RNF212B: variants seen among roughly 807,000 people sequenced by gnomAD.
RNF212B encodes E3 ubiquitin-protein ligase RNF212B.
Under a neutral mutation model 55.5 loss-of-function variants are expected in RNF212B, and 52 were observed. The ratio of observed to expected loss-of-function variants is 0.94; its 90% CI spans 0.75 to 1.18. The LOEUF (loss-of-function observed/expected upper bound fraction) is 1.18. Among genes scored for constraint, RNF212B ranks in the 50% most tolerant of loss-of-function variants. RNF212B has a pLI of 0.00. For synonymous variants in RNF212B, 99 were observed against 121.4 expected (o/e 0.82, Z 1.21); for missense variants, 289 against 350.4 (o/e 0.82, Z 1.40).
intron 2 of RNF212B, among the ~76,000 whole-genome samples, chr14:23,241,954 C>T (rs1443661816): frequency 9.3e-5 from 14 of 151,040 alleles, no homozygotes; most frequent in Non-Finnish European, 1.9e-4. Context: ...TGGTGGCGGG[C>T]GCCTATGGTC....
intron 1 of RNF212B, among the ~76,000 whole-genome samples, chr14:23,189,675 G>A (rs558571776): frequency 6.6e-6 from 1 of 152,038 alleles, no homozygotes; most frequent in Non-Finnish European, 1.5e-5. Context: ...TGGGTGTGGT[G>A]GTGCATGCCT....
intron 1 of RNF212B, among the ~76,000 whole-genome samples, chr14:23,192,866 C>T (rs547066059): frequency 1.2e-4 from 18 of 151,740 alleles, no homozygotes; most frequent in Non-Finnish European, 1.5e-4. Flanking sequence ...CCAAGGTGGG[C>T]GGATCACCTG....
chr14:23,208,798 G>T, intron 2 of RNF212B, among the ~76,000 whole-genome samples: 1 of 104,482 alleles, frequency 9.6e-6, no homozygotes, highest in East Asian at 3.1e-4. Flanking sequence ...TCACTCTGTC[G>T]CCCAGGCTGG....
chr14:23,233,845 C>T (rs150709377), upstream of RNF212B, among the ~76,000 whole-genome samples: 1,344 of 152,106 alleles, frequency 8.8e-3, 21 homozygotes, highest in African/African-American at 0.028. Flanking sequence ...GCCTGTAATC[C>T]CAGCACTTTG....
chr14:23,185,442 C>T (rs1319968856), exon 1 of RNF212B: 2 of 152,174 alleles, frequency 1.3e-5, no homozygotes, highest in Admixed American at 6.5e-5. Context: ...ACTTCTGCTC[C>T]GATTTCAACA....
rs939694785 is a variant in RNF212B at position 23,229,382 on chromosome 14, A to G, written c.-1-10963A>G. Among the ~76,000 whole-genome samples the G allele has an allele frequency of 2.7e-5, 4 of 150,874 alleles. No homozygotes were observed. The South Asian group carries it at 8.4e-4, about 32-fold the overall frequency. On this transcript the variant is annotated intron_variant, in intron 2 of 15. Transcript: ENST00000399910. ...CATATCTGTTTGAGCCCCTGTTTTA[A>G]ATTATTTTGTATACACCTAGGAATG... is the stretch of plus-strand genomic sequence containing the variant.
chr14:23,235,820 G>T (rs1056339328), upstream of RNF212B, among the ~76,000 whole-genome samples: 2 of 152,148 alleles, frequency 1.3e-5, no homozygotes, highest in African/African-American at 4.8e-5. Context: ...TTACAAAATC[G>T]TGCATGGGCA....
At chr14:23,222,948 G>T (rs1471191244) in intron 2 of RNF212B, among the ~76,000 whole-genome samples, 2 of 151,556 alleles carry the variant, frequency 1.3e-5, no homozygotes, top group African/African-American at 4.9e-5. Flanking sequence ...TAGCTACTCA[G>T]GAAGTTGAGG....
intron 2 of RNF212B, among the ~76,000 whole-genome samples, chr14:23,208,757 G>GTTTTTTTTTTTTTTT (rs1166613606): frequency 3.1e-5 from 3 of 98,116 alleles, no homozygotes; most frequent in African/African-American, 1.4e-4. Flanking sequence ...GCTGGTTGCC[G>GTTTTTTTTTTTTTTT]TTTTTTTTTT....
upstream of RNF212B, among the ~76,000 whole-genome samples, chr14:23,236,028 T>C (rs1883066523): frequency 6.6e-6 from 1 of 152,198 alleles, no homozygotes; most frequent in Admixed American, 6.5e-5. Flanking sequence ...CCCACATATT[T>C]GAGTGAATCC....
chr14:23,248,937 C>T (rs573480585), intron 4 of RNF212B, among the ~76,000 whole-genome samples: 69 of 152,296 alleles, frequency 4.5e-4, no homozygotes, highest in East Asian at 1.2e-3. Flanking sequence ...CATACAATTT[C>T]CGATGCTGCT....
At chr14:23,202,594 G>A (rs1404167879) in intron 2 of RNF212B, among the ~76,000 whole-genome samples, 2 of 152,218 alleles carry the variant, frequency 1.3e-5, no homozygotes, top group Non-Finnish European at 2.9e-5. Flanking sequence ...GCTCACGCCT[G>A]TAATCCCAGC....
rs1170260547 is a variant in RNF212B at position 23,226,854 on chromosome 14, G to C, written c.-1-13491G>C. On this transcript the variant is annotated intron_variant, in intron 2 of 15. Coordinates refer to the RNF212B transcript ENST00000399910. The stretch of plus-strand genomic sequence containing the variant: ...TAGAGAGGAGGTCTATGTTGCTCAG[G>C]CTGGTCTTGAACTCCTGAGCTCAAG... Among the ~76,000 whole-genome samples, 3 of 144,516 alleles carry C rather than the reference G, an allele frequency of 2.1e-5. 1 individual carries two copies. 94.8% of individuals were successfully genotyped at this position (144,516 alleles called of 152,430 possible).
At chr14:23,186,233 G>A (rs1453291068) in intron 1 of RNF212B, among the ~76,000 whole-genome samples, 3 of 152,160 alleles carry the variant, frequency 2.0e-5, no homozygotes, top group Non-Finnish European at 4.4e-5. Context: ...TCTTAAGTGT[G>A]TCAAAATTCC....
At position 23,270,617 on chromosome 14, in the gene RNF212B, A is replaced by G; in HGVS notation, c.790A>G (p.Thr264Ala). The G allele has an allele frequency of 1.3e-6, 2 of 1,550,548 alleles. No individual in the cohort carries two copies. Among genetic ancestry groups the G allele is most frequent in the African/African-American group, 1.4e-5 (1 of 73,150 alleles). Residue 264 changes from threonine (T) to alanine (A), a missense_variant, in exon 14 of 15, where the codon ACT becomes GCT. Transcript: ENST00000430154. ...TCCTTCAGCTCAGAGGGAGAGCACA[A>G]CTACACTAGAGAGTCTTCCTAGTTT... ...PNNFAQRESTTTLESLPSFQL... is the reference protein window; with the variant it reads ...PNNFAQRESTATLESLPSFQL...
chr14:23,273,159 C>T lies in RNF212B; in HGVS notation c.*268C>T, dbSNP rs1594960073. The T allele has an allele frequency of 2.1e-5, 6 of 282,202 alleles. No individual in the cohort carries two copies. In the East Asian group the frequency reaches 3.9e-4, roughly 18 times the overall value. 17.5% of individuals were successfully genotyped at this position (282,202 alleles called of 1,614,324 possible). A position where few individuals can be genotyped will look rare whatever the true frequency, so the allele number is the denominator to read the frequency against. On this transcript the variant is annotated 3_prime_UTR_variant, in exon 15 of 15. Transcript: ENST00000430154. ...TCCCCTCATTTCCTACAATTTGGAA[C>T]AAAGGTCAAAAAAATAATTCTTGGC...
upstream of RNF212B, among the ~76,000 whole-genome samples, chr14:23,236,168 T>C (rs1465423736): frequency 6.6e-6 from 1 of 152,178 alleles, no homozygotes; most frequent in Non-Finnish European, 1.5e-5. Context: ...ACGATGCCAC[T>C]CTTCTCACTA....
chr14:23,205,967 G>T lies in RNF212B; in HGVS notation c.-2+12566G>T, dbSNP rs1879795275. Among the ~76,000 whole-genome samples, 7 of 152,190 alleles carry T rather than the reference G, an allele frequency of 4.6e-5. No homozygotes were observed. In the South Asian group the frequency reaches 1.4e-3, roughly 31 times the overall value. ...TTGCTTGATTAATAATGCAAACAAA[G>T]TGTATGCTGGCAATTCTTTAGATAT... On this transcript the variant is annotated intron_variant, in intron 2 of 15. Transcript: ENST00000399910.
intron 2 of RNF212B, among the ~76,000 whole-genome samples, chr14:23,219,751 C>T (rs1881398222): frequency 6.6e-6 from 1 of 152,092 alleles, no homozygotes; most frequent in East Asian, 1.9e-4. Context: ...GGATTACAGA[C>T]ATGAGCCACC....
Sources: gnomAD v4.1 joint callset for allele counts (sites outside exome capture counted in the v4.1 genomes callset) on GRCh38, gnomAD v4.1.1 for gene constraint, MANE v1.5 for transcripts, NCBI Gene and HGNC (gene_info 2026-07-23, HGNC 2026-07-21) for gene names.